The following CHD1L variants were observed in gnomAD, a reference collection of about 807,000 sequenced individuals.
The protein encoded by CHD1L is ATP-dependent chromatin remodeler CHD1L.
Under a neutral mutation model 115.9 loss-of-function variants are expected in CHD1L, and 118 were observed. The ratio of observed to expected loss-of-function variants is 1.02; its 90% CI spans 0.88 to 1.19. The LOEUF (loss-of-function observed/expected upper bound fraction) is 1.19, where lower values mean the gene tolerates loss of function less well. Among genes scored for constraint, CHD1L ranks in the 50% most tolerant of loss-of-function variants. The probability of loss-of-function intolerance (pLI) is 0.00; values close to 1 mark genes in which losing one functional copy is unlikely to be tolerated. For missense variants in CHD1L, 1,179 were observed against 1,065.3 expected, an observed-to-expected ratio of 1.11 and a Z score of -1.49; for synonymous variants, 411 against 387.1, an observed-to-expected ratio of 1.06 and a Z score of -0.72.
the CHD1L span, chr1:147,179,154 T>G: frequency 1.3e-4 from 209 of 1,614,082 alleles, no homozygotes; most frequent in East Asian, 3.7e-3. Flanking sequence ...GTGATGGGAA[T>G]GCTCTGGAGA....
chr1:147,228,836 G>A, the CHD1L span, among the ~76,000 whole-genome samples: 26 of 152,192 alleles, frequency 1.7e-4, no homozygotes, highest in South Asian at 5.2e-3. Flanking sequence ...CATTTCCTTT[G>A]CCCACTTTTT....
At chr1:147,259,282 A>G (rs1211737858) in intron 5 of CHD1L, 1 of 152,216 alleles carries the variant, frequency 6.6e-6, no homozygotes, top group South Asian at 2.1e-4. Flanking sequence ...TTCAGTGGAT[A>G]TATCTTCCTG....
At chr1:147,231,171 G>A in the CHD1L span, among the ~76,000 whole-genome samples, 9 of 152,096 alleles carry the variant, frequency 5.9e-5, 1 homozygote, top group Middle Eastern at 3.4e-3. Flanking sequence ...TCTACACACT[G>A]CTTTCAGTGT....
At chr1:147,273,086 C>T (rs1433324363) in intron 12 of CHD1L, among the ~76,000 whole-genome samples, 6 of 152,002 alleles carry the variant, frequency 3.9e-5, no homozygotes, top group African/African-American at 1.4e-4. Flanking sequence ...GCCTGTAATC[C>T]CAACTACTAC....
At position 147,293,853 on chromosome 1, in the gene CHD1L, C is replaced by T. The variant is rs887951127; in HGVS notation, c.2506+131C>T. 21 of 699,228 alleles carry T rather than the reference C, an allele frequency of 3.0e-5. No individual in the cohort carries two copies. The Admixed American group carries it at 4.7e-4, about 16-fold the overall frequency. 43.3% of individuals were successfully genotyped at this position (699,228 alleles called of 1,614,324 possible). ...GGTAAAGGCAAACCACAGAAGTGAT[C>T]ACCCCACCGTCTTGTAGTCATATAG... On this transcript the variant is annotated intron_variant, in intron 21 of 22. Transcript: ENST00000369258.
intron 21 of CHD1L, 54 bp downstream of exon 21, chr1:147,293,776 A>G: frequency 6.9e-7 from 1 of 1,442,794 alleles, no homozygotes; most frequent in Non-Finnish European, 9.7e-7. Context: ...TAGGCATGTG[A>G]TACGACTTTT....
At chr1:147,213,262 G>T in the CHD1L span, 6 of 1,510,976 alleles carry the variant, frequency 4.0e-6, no homozygotes, top group Admixed American at 3.9e-5. Context: ...CAGGGGTCAG[G>T]TCACAGGCAT....
intron 17 of CHD1L, among the ~76,000 whole-genome samples, chr1:147,285,976 C>A (rs1485554629): frequency 6.6e-6 from 1 of 152,094 alleles, no homozygotes; most frequent in African/African-American, 2.4e-5. Flanking sequence ...GGATTACAGG[C>A]GTGAGCTACC....
intron 14 of CHD1L, among the ~76,000 whole-genome samples, chr1:147,278,518 T>TG (rs1351858444): frequency 4.3e-4 from 1 of 2,342 alleles, no homozygotes; most frequent in Non-Finnish European, 8.3e-4. Flanking sequence ...CCACTGCGCC[T>TG]GGGGGTATTT....
chr1:147,255,741 A>G, intron 3 of CHD1L, 72 bp from the exon 4 acceptor site: 1 of 1,069,246 alleles, frequency 9.4e-7, no homozygotes, highest in Non-Finnish European at 1.4e-6. Context: ...ATGAAATGTA[A>G]TTTTCCAGAT....
chr1:147,203,742 T>C, the CHD1L span: 1 of 1,533,306 alleles, frequency 6.5e-7, no homozygotes, highest in Admixed American at 1.7e-5. Context: ...ACTTTGAAAG[T>C]ATTAACACCA....
At chr1:147,278,077 A>G (rs782290081) in intron 14 of CHD1L, among the ~76,000 whole-genome samples, 7 of 152,224 alleles carry the variant, frequency 4.6e-5, no homozygotes, top group South Asian at 2.1e-4. Context: ...GTTATCGGAA[A>G]GTTACTTTCT....
the CHD1L span, among the ~76,000 whole-genome samples, chr1:147,195,295 A>AT: frequency 9.9e-3 from 1,490 of 151,124 alleles, 29 homozygotes; most frequent in African/African-American, 0.034. Context: ...AACCCAAATA[A>AT]TTTTTTTTTG....
chr1:147,188,692 C>T, the CHD1L span, among the ~76,000 whole-genome samples: 8 of 150,424 alleles, frequency 5.3e-5, no homozygotes, highest in East Asian at 1.9e-4. Flanking sequence ...AAAACCTGCA[C>T]GTTGTACACA....
chr1:147,190,869 T>C, the CHD1L span, among the ~76,000 whole-genome samples: 1 of 151,948 alleles, frequency 6.6e-6, no homozygotes, highest in Non-Finnish European at 1.5e-5. Context: ...GAGTGTGATG[T>C]TCCCCTTCCT....
At chr1:147,233,078 C>T in the CHD1L span, among the ~76,000 whole-genome samples, 6 of 151,708 alleles carry the variant, frequency 4.0e-5, no homozygotes, top group African/African-American at 1.5e-4. Flanking sequence ...GGCCGCCCAT[C>T]GTCTGAGATG....
chr1:147,271,573 C>T (rs1219061503), intron 11 of CHD1L, among the ~76,000 whole-genome samples: 1 of 152,084 alleles, frequency 6.6e-6, no homozygotes, highest in Non-Finnish European at 1.5e-5. Flanking sequence ...CCAGACCTTA[C>T]AATTTAAAAA....
the CHD1L span, chr1:147,190,235 G>C: frequency 8.7e-6 from 14 of 1,608,534 alleles, no homozygotes; most frequent in East Asian, 3.1e-4. Flanking sequence ...CTCTGTGAGG[G>C]CAATGTCTTT....
At chr1:147,203,586 G>A in the CHD1L span, 6 of 1,069,176 alleles carry the variant, frequency 5.6e-6, no homozygotes, top group African/African-American at 1.5e-5. Context: ...GCCAGTGCAC[G>A]GGGAATAGCT....
Sources: allele counts gnomAD v4.1 joint callset (sites outside exome capture counted in the v4.1 genomes callset), GRCh38; gene constraint gnomAD v4.1.1; transcripts MANE v1.5; gene names NCBI Gene and HGNC (gene_info 2026-07-23, HGNC 2026-07-21).